Variants in OTC observed in about 807,000 individuals in gnomAD.
The protein encoded by OTC is ornithine transcarbamylase.
OTC carries 3 observed loss-of-function variants against 30.3 expected under a neutral mutation model. The observed-to-expected ratio is 0.10, with a 90% CI of 0.05 to 0.26. OTC has a LOEUF of 0.26. Among genes scored for constraint, OTC ranks in the 10% least tolerant of loss-of-function variants. OTC has a pLI of 1.00. For missense variants in OTC, 194 were observed against 260.3 expected (o/e 0.75, Z 1.75); for synonymous variants, 111 against 99.7 (o/e 1.11, Z -0.67).
Position 38,381,324 on chromosome X carries a change from CTT to C in OTC, c.299-9_299-8del. On this transcript the variant is annotated splice_polypyrimidine_tract_variant and intron_variant, in intron 3 of 9. Transcript: ENST00000039007. ...GTTGTTTTTTCAAAATGATTTTTTT[CTT>C]TTTTTTTTATTGTAGGCTTTGCACT... The C allele has an allele frequency of 1.1e-5, 10 of 939,714 alleles. No homozygotes were observed. Among genetic ancestry groups the C allele is most frequent in the Admixed American group, 2.8e-5 (1 of 36,111 alleles). 77.4% of individuals were successfully genotyped at this position (939,714 alleles called of 1,213,427 possible).
the OTC span, among the ~76,000 whole-genome samples, chrX:38,329,444 G>C: frequency 9.0e-6 from 1 of 111,532 alleles, no homozygotes; most frequent in Non-Finnish European, 1.9e-5. Flanking sequence ...GTAGAATTGA[G>C]GCAGTAGAAT....
chrX:38,357,653 T>C (rs141821290), intron 1 of OTC, among the ~76,000 whole-genome samples: 51 of 112,489 alleles, frequency 4.5e-4, no homozygotes, highest in African/African-American at 1.5e-3. Flanking sequence ...CCCCCCAGTT[T>C]ACCAGAGTTG....
chrX:38,384,958 G>A (rs901358790), intron 4 of OTC, among the ~76,000 whole-genome samples: 10 of 111,797 alleles, frequency 8.9e-5, no homozygotes, highest in African/African-American at 3.3e-4. Context: ...CATTGTTTTA[G>A]CACTGAGAAT....
chrX:38,415,049 A>G (rs775051075), intron 9 of OTC, among the ~76,000 whole-genome samples: 4 of 110,881 alleles, frequency 3.6e-5, no homozygotes, highest in African/African-American at 6.6e-5. Context: ...TTCCTATTCT[A>G]TAGGCAAATA....
the OTC span, among the ~76,000 whole-genome samples, chrX:38,340,459 G>GTTTTTT: frequency 2.5e-4 from 15 of 60,495 alleles, no homozygotes; most frequent in Non-Finnish European, 4.1e-4. Context: ...TTGTTTTTTT[G>GTTTTTT]TTTTTTTTTT....
chrX:38,409,160 A>C (rs2068531039), intron 8 of OTC, 135 bp downstream of exon 8: 19 of 676,706 alleles, frequency 2.8e-5, no homozygotes. Flanking sequence ...TGTATCCCCT[A>C]GGGACTTCTC....
In OTC at chrX:38,369,831, G is replaced by C; in HGVS notation, c.252G>C (p.Met84Ile). ...LPLLQGKSLG[M>I]IFEKRSTRTR... ...TATTGCAAGGGAAGTCCTTAGGCAT[G>C]ATTTTTGAGAAAAGAAGTACTCGAA... is the stretch of plus-strand genomic sequence containing the variant. The change falls in exon 3 of 10, where the codon ATG becomes ATC. Residue 84 changes from methionine to isoleucine, a missense_variant. Transcript: ENST00000039007. The C allele has an allele frequency of 8.3e-7, 1 of 1,202,817 alleles. No individual in the cohort carries two copies. The highest frequency in any genetic ancestry group is 1.1e-6 in the Non-Finnish European group (1 of 887,661).
At chrX:38,421,610 A>C, downstream of OTC, among the ~76,000 whole-genome samples, 1 of 111,696 alleles carries the variant, frequency 9.0e-6, no homozygotes, top group East Asian at 2.8e-4. Flanking sequence ...GCAAATAACG[A>C]AATTCTTAAA....
chrX:38,341,585 G>T, the OTC span, among the ~76,000 whole-genome samples: 1 of 112,075 alleles, frequency 8.9e-6, no homozygotes, highest in East Asian at 2.8e-4. Flanking sequence ...GTAGCGAAGG[G>T]ATTTTATGAT....
At chrX:38,381,287 T>C (rs1447561829) in intron 3 of OTC, 55 bp from the exon 4 acceptor site, 1 of 903,387 alleles carries the variant, frequency 1.1e-6, no homozygotes, top group African/African-American at 2.0e-5. Context: ...TGTAATTTTG[T>C]TTTCCACTTT....
At chrX:38,354,367 A>G (rs754105059) in intron 1 of OTC, among the ~76,000 whole-genome samples, 1 of 112,365 alleles carries the variant, frequency 8.9e-6, no homozygotes, top group South Asian at 3.6e-4. Flanking sequence ...ATTTTATTCT[A>G]TAGCTTTTAA....
At chrX:38,329,970 G>A in the OTC span, among the ~76,000 whole-genome samples, 2,001 of 111,929 alleles carry the variant, frequency 0.018, 41 homozygotes, top group African/African-American at 0.062. Context: ...CATCATCTCC[G>A]GCATCTGTGA....
At chrX:38,390,697 A>G (rs1423631496) in intron 4 of OTC, among the ~76,000 whole-genome samples, 1 of 112,054 alleles carries the variant, frequency 8.9e-6, no homozygotes, top group Non-Finnish European at 1.9e-5. Flanking sequence ...CCATGTTCCA[A>G]TACTTTAGGA....
intron 1 of OTC, among the ~76,000 whole-genome samples, chrX:38,366,705 T>A (rs893458706): frequency 8.0e-5 from 9 of 112,001 alleles, no homozygotes; most frequent in Non-Finnish European, 1.7e-4. Context: ...GTTGTGTGAC[T>A]AGTAAGTGAC....
chrX:38,348,883 G>T (rs780786008), upstream of OTC, among the ~76,000 whole-genome samples: 3 of 111,697 alleles, frequency 2.7e-5, no homozygotes, highest in Non-Finnish European at 5.6e-5. Flanking sequence ...ACAATTCAGA[G>T]CTTTTGTTTT....
downstream of OTC, among the ~76,000 whole-genome samples, chrX:38,421,626 G>C (rs896105685): frequency 1.8e-5 from 2 of 111,551 alleles, no homozygotes; most frequent in African/African-American, 6.5e-5. Flanking sequence ...TTAAAATATA[G>C]CTATTACTGT....
upstream of OTC, among the ~76,000 whole-genome samples, chrX:38,348,538 T>TTC (rs76701899): frequency 2.0e-5 from 1 of 51,076 alleles, no homozygotes; most frequent in Non-Finnish European, 4.0e-5. Flanking sequence ...GAACTTTTTT[T>TTC]TTCTTTTTTT....
chrX:38,376,103 C>T (rs2068346478), intron 3 of OTC, among the ~76,000 whole-genome samples: 1 of 109,916 alleles, frequency 9.1e-6, no homozygotes, highest in South Asian at 4.0e-4. Context: ...GATGGAGTAA[C>T]GTGAAGGTCA....
At chrX:38,406,097 C>T (rs2068514767) in intron 6 of OTC, among the ~76,000 whole-genome samples, 1 of 111,816 alleles carries the variant, frequency 8.9e-6, no homozygotes, top group Non-Finnish European at 1.9e-5. Context: ...AGTACTAAAA[C>T]CTGGTTAAAC....
Sources: allele counts gnomAD v4.1 joint callset (sites outside exome capture counted in the v4.1 genomes callset), GRCh38; gene constraint gnomAD v4.1.1; transcripts MANE v1.5; gene names NCBI Gene and HGNC (gene_info 2026-07-23, HGNC 2026-07-21).